The following GBP3 variants were observed in gnomAD, a reference collection of about 807,000 sequenced individuals.
The protein encoded by GBP3 is guanylate-binding protein 3.
A neutral mutation model predicts 62.4 loss-of-function variants in GBP3; 55 were observed. The observed-to-expected ratio is 0.88, with a 90% CI of 0.71 to 1.10. The LOEUF is 1.10. Ranked by LOEUF, GBP3 falls within the 50% of genes least tolerant of loss-of-function variation. The pLI, the probability that GBP3 is intolerant of heterozygous loss-of-function variation, is 0.00. For synonymous variants in GBP3, 208 were observed against 259.2 expected, an observed-to-expected ratio of 0.80 and a Z score of 1.90; for missense variants, 605 against 690.6, an observed-to-expected ratio of 0.88 and a Z score of 1.39.
chr1:89,011,888 C>T lies in GBP3; in HGVS notation c.1008G>A (p.Gln336=). ...CGGGCAGCTGCACCTTCTGGCCCAT[C>T]TGCTGGTCATAGTGGGCAATAGCCT... is the stretch of plus-strand genomic sequence containing the variant. ...VQKAIAHYDQ[Q]MGQKVQLPAE... The change falls in exon 7 of 11, where the codon CAG becomes CAA. Residue 336 remains glutamine (Q), a synonymous_variant. Transcript: ENST00000370481. 6.8e-7 allele frequency: 1 copy of T among 1,462,458 alleles called. No individual in the cohort carries two copies. 90.6% of individuals were successfully genotyped at this position (1,462,458 alleles called of 1,614,324 possible).
At position 89,006,855 on chromosome 1, in the gene GBP3, T is replaced by C. The variant is rs1678243846; in HGVS notation, c.*869A>G. The C allele has an allele frequency of 6.6e-6, 1 of 152,214 alleles. No homozygotes were observed. Among genetic ancestry groups the C allele is most frequent in the African/African-American group, 2.4e-5 (1 of 41,454 alleles). The allele number at this position is 152,214 out of a possible 1,614,324, so 9.4% of individuals were successfully genotyped here. ...AGTCAAAAAAATTCCATATTCCCTTTGGGGAAAATTGGCAGGATTTCAAGT... is the reference window on the plus strand; with the variant it reads ...AGTCAAAAAAATTCCATATTCCCTTCGGGGAAAATTGGCAGGATTTCAAGT... On this transcript the variant is annotated 3_prime_UTR_variant, in exon 11 of 11. Coordinates refer to ENST00000370481, the MANE Select transcript of GBP3 (RefSeq NM_018284.3).
At chr1:89,021,788 T>TAGAGAGA (rs750540738) in intron 1 of GBP3, among the ~76,000 whole-genome samples, 1 of 65,312 alleles carries the variant, frequency 1.5e-5, no homozygotes, top group Non-Finnish European at 3.2e-5. Flanking sequence ...GCTGGAAAGA[T>TAGAGAGA]GAGAGAGAGA....
At chr1:89,008,849 C>T in intron 10 of GBP3, 98 bp downstream of exon 10, 1 of 1,575,792 alleles carries the variant, frequency 6.3e-7, no homozygotes, top group Non-Finnish European at 8.6e-7. Context: ...CAAAATCCTT[C>T]CCCTGGGCTT....
In GBP3 at chr1:89,013,406, T is replaced by C; in HGVS notation, c.647A>G (p.Asn216Ser). The change falls in exon 6 of 11, where the codon AAT becomes AGT. Residue 216 changes from asparagine (N) to serine (S), a missense_variant. Coordinates refer to ENST00000370481, the MANE Select transcript of GBP3 (RefSeq NM_018284.3). ...GATACAGAGTCGGGGCAGATTAAAA[T>C]TTTTATCTTTTTGACTGGTACCTAG... ...LTQGTSQKDK[N>S]FNLPRLCIRK... 1 of 1,611,284 alleles carries C rather than the reference T, an allele frequency of 6.2e-7. No individual in the cohort carries two copies. Among genetic ancestry groups the C allele is most frequent in the East Asian group, 2.2e-5 (1 of 44,882 alleles).
chr1:89,020,607 C>T lies in GBP3; in HGVS notation c.115G>A (p.Val39Met). 1 of 1,614,184 alleles carries T rather than the reference C, an allele frequency of 6.2e-7. No individual in the cohort carries two copies. The highest frequency in any genetic ancestry group is 8.5e-7 in the Non-Finnish European group (1 of 1,180,030). ...KILSAITQPV[V>M]VVAIVGLYRT... ...TAGAGGCCCACAATTGCCACCACCA[C>T]CACAGGCTGTGTAATGGCAGACAGG... is the stretch of plus-strand genomic sequence containing the variant. Residue 39 changes from valine (V) to methionine (M), a missense_variant, in exon 2 of 11, where the codon GTG (valine) becomes ATG (methionine). Val to Met is a conservative substitution (Grantham distance 21, BLOSUM62 1). Transcript: ENST00000370481.
rs563772907 is a variant in GBP3, at chr1:89,006,832, T to A, written c.*892A>T. 2 of 152,278 alleles carry A rather than the reference T, an allele frequency of 1.3e-5. No homozygotes were observed. The highest frequency in any genetic ancestry group is 3.9e-4 in the East Asian group (2 of 5,184). The allele number at this position is 152,278 out of a possible 1,614,324, so 9.4% of individuals were successfully genotyped here. A position where few individuals can be genotyped will look rare whatever the true frequency, so the allele number is the denominator to read the frequency against. ...AATTATTTTATTGCTCAAAAGAAAG[T>A]CAAAAAAATTCCATATTCCCTTTGG... On this transcript the variant is annotated 3_prime_UTR_variant, in exon 11 of 11. Coordinates refer to ENST00000370481, the MANE Select transcript of GBP3 (RefSeq NM_018284.3).
At chr1:89,015,790 A>T (rs1172922990) in intron 2 of GBP3, among the ~76,000 whole-genome samples, 2 of 151,502 alleles carry the variant, frequency 1.3e-5, no homozygotes, top group Non-Finnish European at 2.9e-5. Context: ...ACAGAAAAAA[A>T]TTACCTCAAC....
At chr1:89,016,192 C>A (rs921814349) in intron 2 of GBP3, among the ~76,000 whole-genome samples, 3 of 152,164 alleles carry the variant, frequency 2.0e-5, no homozygotes, top group Non-Finnish European at 2.9e-5. Context: ...ATTTAACATA[C>A]CACCAAAAGG....
At chr1:89,017,587 G>A (rs1051305790) in intron 2 of GBP3, among the ~76,000 whole-genome samples, 3 of 152,222 alleles carry the variant, frequency 2.0e-5, no homozygotes, top group African/African-American at 7.2e-5. Flanking sequence ...AGGAATTGAT[G>A]TCTAGCAAAT....
At chr1:89,015,460 G>A in intron 2 of GBP3, 46 bp from the exon 3 acceptor site, 1 of 1,573,130 alleles carries the variant, frequency 6.4e-7, no homozygotes, top group Non-Finnish European at 8.6e-7. Flanking sequence ...TTTAATAGCA[G>A]GTACTTCAGG....
chr1:89,012,169 C>T, intron 6 of GBP3, 142 bp from the exon 7 acceptor site: 1 of 885,728 alleles, frequency 1.1e-6, no homozygotes, highest in Non-Finnish European at 1.7e-6. Context: ...CTGGAAATGC[C>T]TATTGTTAGC....
Position 89,011,105 on chromosome 1 carries a change from G to C in GBP3, c.1161C>G (p.Asp387Glu), listed in dbSNP as rs576261942. The C allele has an allele frequency of 4.0e-5, 59 of 1,461,684 alleles. 12 individuals are homozygous for C. The South Asian group carries it at 7.0e-4, about 17-fold the overall frequency. 90.5% of individuals were successfully genotyped at this position (1,461,684 alleles called of 1,614,324 possible). ...LFQKKLAAQLDKKRDDFCKQN... is the reference protein window; with the variant it reads ...LFQKKLAAQLEKKRDDFCKQN... ...GTTTACAAAAGTCATCCCGCTTTTT[G>C]TCTAGCTGGGCCTTTAATGTAAAAA... is the stretch of plus-strand genomic sequence containing the variant. Residue 387 changes from aspartate to glutamate, a missense_variant, in exon 8 of 11, where the codon GAC (aspartate) becomes GAG (glutamate). By Grantham distance (45) the Asp-to-Glu change is conservative. Coordinates refer to ENST00000370481, the MANE Select transcript of GBP3 (RefSeq NM_018284.3).
intron 6 of GBP3, 69 bp from the exon 7 acceptor site, chr1:89,012,096 A>G: frequency 7.6e-7 from 1 of 1,323,074 alleles, no homozygotes; most frequent in Non-Finnish European, 1.1e-6. Context: ...GTAATTCTGA[A>G]CATGTCAATT....
intron 5 of GBP3, 110 bp downstream of exon 5, chr1:89,013,973 G>A: frequency 1.7e-6 from 2 of 1,196,624 alleles, no homozygotes; most frequent in Non-Finnish European, 2.4e-6. Context: ...AGAATAGCAA[G>A]CTAGAGATAT....
intron 2 of GBP3, 103 bp from the exon 3 acceptor site, chr1:89,015,517 C>G: frequency 9.4e-7 from 1 of 1,064,850 alleles, no homozygotes; most frequent in Non-Finnish European, 1.3e-6. Flanking sequence ...GAGAGATAAC[C>G]AAAACCACAA....
chr1:89,019,476 C>T (rs918005219), intron 2 of GBP3, among the ~76,000 whole-genome samples: 1 of 152,090 alleles, frequency 6.6e-6, no homozygotes, highest in Non-Finnish European at 1.5e-5. Flanking sequence ...TTAGTAAAGA[C>T]GGGGTTTCTC....
rs1350075589 is a variant in GBP3 at position 89,010,756 on chromosome 1, G to A, written c.1362+148C>T. 6 of 1,019,080 alleles carry A rather than the reference G, an allele frequency of 5.9e-6. 2 individuals carry two copies. Among genetic ancestry groups the A allele is most frequent in the Non-Finnish European group, 8.5e-6 (6 of 704,570 alleles). 63.1% of individuals were successfully genotyped at this position (1,019,080 alleles called of 1,614,324 possible). Reference sequence around the variant, plus strand: ...CACCTGGGACATACCTGATATAACAGTCTCCCTCCCTGCATATGTTATTGA... The same window carrying A: ...CACCTGGGACATACCTGATATAACAATCTCCCTCCCTGCATATGTTATTGA... On this transcript the variant is annotated intron_variant, in intron 8 of 10. Transcript: ENST00000370481.
chr1:89,020,017 A>C (rs144326155), intron 2 of GBP3: 1 of 178,372 alleles, frequency 5.6e-6, no homozygotes, highest in African/African-American at 2.4e-5. Flanking sequence ...TGGGCAGGCG[A>C]TCTCTTGAGC....
At chr1:89,015,633 T>C (rs780217406) in intron 2 of GBP3, among the ~76,000 whole-genome samples, 1 of 145,726 alleles carries the variant, frequency 6.9e-6, no homozygotes, top group Non-Finnish European at 1.5e-5. Flanking sequence ...AAATTAGAAA[T>C]AGAAAAAAAC....
Sources: gnomAD v4.1 joint callset for allele counts (sites outside exome capture counted in the v4.1 genomes callset) on GRCh38, gnomAD v4.1.1 for gene constraint, MANE v1.5 for transcripts, NCBI Gene and HGNC (gene_info 2026-07-23, HGNC 2026-07-21) for gene names.